Variants in ATP1A2 observed in about 807,000 individuals in gnomAD.
The protein encoded by ATP1A2 is sodium/potassium-transporting ATPase subunit alpha-2.
ATP1A2 carries 56 observed loss-of-function variants against 113.1 expected under a neutral mutation model. The observed-to-expected ratio is 0.49, with a 90% CI of 0.40 to 0.62. The LOEUF (loss-of-function observed/expected upper bound fraction) is 0.62. ATP1A2 is among the 20% of genes least tolerant of loss of function. The pLI, the probability that ATP1A2 is intolerant of heterozygous loss-of-function variation, is 0.00. For synonymous variants in ATP1A2, 490 were observed against 526.8 expected (o/e 0.93, Z 0.96); for missense variants, 712 against 1,357.8 (o/e 0.52, Z 7.47).
chr1:160,117,420 A>G (rs898456197), intron 1 of ATP1A2, among the ~76,000 whole-genome samples: 9 of 152,088 alleles, frequency 5.9e-5, no homozygotes, highest in Admixed American at 2.6e-4. Flanking sequence ...TTGCTTGGGA[A>G]GTGATGAGAC....
chr1:160,130,778 C>T (rs1651747720), intron 13 of ATP1A2, among the ~76,000 whole-genome samples, 181 bp downstream of exon 13: 1 of 152,228 alleles, frequency 6.6e-6, no homozygotes, highest in African/African-American at 2.4e-5. Context: ...CACCCTTATC[C>T]CTTTTGCTCA....
rs1405104499 is a variant in ATP1A2, at chr1:160,123,923, A to G, written c.382-20A>G. On this transcript the variant is annotated intron_variant, in intron 4 of 22. Coordinates refer to ENST00000361216, the MANE Select transcript of ATP1A2 (RefSeq NM_000702.4). ...GGTTGGGGGGAAGGTCAGGTCCCTGAAACTCTTTCTCCTTACCAGCTATAT... is the reference window on the plus strand; with the variant it reads ...GGTTGGGGGGAAGGTCAGGTCCCTGGAACTCTTTCTCCTTACCAGCTATAT... The G allele has an allele frequency of 6.2e-7, 1 of 1,613,068 alleles. No homozygotes were observed. Among genetic ancestry groups the G allele is most frequent in the South Asian group, 1.1e-5 (1 of 91,016 alleles).
chr1:160,118,205 G>C (rs1340355241), intron 1 of ATP1A2, among the ~76,000 whole-genome samples: 1 of 152,214 alleles, frequency 6.6e-6, no homozygotes, highest in Non-Finnish European at 1.5e-5. Flanking sequence ...GGACCAGCAA[G>C]TTTTTAAAAA....
intron 11 of ATP1A2, 23 bp downstream of exon 11, chr1:160,129,423 G>C: frequency 6.2e-7 from 1 of 1,609,020 alleles, no homozygotes; most frequent in Non-Finnish European, 8.5e-7. Flanking sequence ...TGCCAGGACA[G>C]AGGAAGAGAG....
intron 7 of ATP1A2, among the ~76,000 whole-genome samples, chr1:160,127,105 T>C (rs1651610997): frequency 1.3e-5 from 2 of 152,166 alleles, no homozygotes; most frequent in East Asian, 3.9e-4. Context: ...CACACAAGGG[T>C]TAGCAATTGC....
intron 19 of ATP1A2, 23 bp from the exon 20 acceptor site, chr1:160,136,878 G>T: frequency 2.5e-6 from 4 of 1,614,190 alleles, no homozygotes; most frequent in Non-Finnish European, 3.4e-6. Flanking sequence ...ACTCTCATCT[G>T]TCTCTGCCCA....
intron 13 of ATP1A2, among the ~76,000 whole-genome samples, chr1:160,131,565 T>C (rs1255065485): frequency 6.6e-6 from 1 of 152,176 alleles, no homozygotes; most frequent in Non-Finnish European, 1.5e-5. Flanking sequence ...GGCTCATGCC[T>C]GTAATCCCAG....
At chr1:160,137,345 G>C (rs931414290) in intron 20 of ATP1A2, 14 of 424,780 alleles carry the variant, frequency 3.3e-5, no homozygotes, top group Non-Finnish European at 6.2e-5. Flanking sequence ...AGTGTCTTCT[G>C]TGCCCACCCC....
Position 160,136,577 on chromosome 1 carries a change from C to T in ATP1A2, c.2571C>T (p.Ile857=). 6.2e-7 allele frequency: 1 copy of T among 1,614,234 alleles called. No individual in the cohort carries two copies. Among genetic ancestry groups the T allele is most frequent in the Non-Finnish European group, 8.5e-7 (1 of 1,180,042 alleles). The change falls in exon 19 of 23, where the codon ATC becomes ATT. Residue 857 remains isoleucine, a synonymous_variant. Transcript: ENST00000361216. ...ISMAYGQIGM[I]QALGGFFTYF... ...TTGGCCCTCTACCCACAGGGATGATCCAGGCACTGGGTGGCTTCTTCACCT... is the reference window on the plus strand; with the variant it reads ...TTGGCCCTCTACCCACAGGGATGATTCAGGCACTGGGTGGCTTCTTCACCT...
At position 160,141,381 on chromosome 1, in the gene ATP1A2, A is replaced by G. The variant is rs1652144402; in HGVS notation, c.*59A>G. 4 of 1,601,526 alleles carry G rather than the reference A, an allele frequency of 2.5e-6. No individual in the cohort carries two copies. Among genetic ancestry groups the G allele is most frequent in the Non-Finnish European group, 3.4e-6 (4 of 1,168,656 alleles). On this transcript the variant is annotated 3_prime_UTR_variant, in exon 23 of 23. Transcript: ENST00000361216. ...GGGGAGCTCTGGAGGTGTTGTGGGG[A>G]TGGTGATGGAGAGGGATGGAAATAA...
chr1:160,116,825 A>G (rs1014457338), intron 1 of ATP1A2, among the ~76,000 whole-genome samples: 3 of 152,106 alleles, frequency 2.0e-5, no homozygotes, highest in Non-Finnish European at 4.4e-5. Flanking sequence ...GCCCAGGAGG[A>G]GTCAGGCAAG....
rs956161887 is a variant in ATP1A2, at chr1:160,124,582, G to A, written c.630+152G>A. On this transcript the variant is annotated intron_variant, in intron 6 of 22. Coordinates refer to ENST00000361216, the MANE Select transcript of ATP1A2 (RefSeq NM_000702.4). ...CCTGCTAAACCTTCTCTCAGTGTGGGGTGCTTGTGCAGTGCCTCCTTGCAT... is the reference window on the plus strand; with the variant it reads ...CCTGCTAAACCTTCTCTCAGTGTGGAGTGCTTGTGCAGTGCCTCCTTGCAT... 3.2e-6 allele frequency: 4 copies of A among 1,240,828 alleles called. No individual in the cohort carries two copies. In the African/African-American group the frequency reaches 4.5e-5, roughly 14 times the overall value. 76.9% of individuals were successfully genotyped at this position (1,240,828 alleles called of 1,614,324 possible). A position where few individuals can be genotyped will look rare whatever the true frequency, so the allele number is the denominator to read the frequency against.
In ATP1A2 at chr1:160,135,729, C is replaced by A; in HGVS notation, c.2285-110C>A. 1 of 1,610,252 alleles carries A rather than the reference C, an allele frequency of 6.2e-7. No individual in the cohort carries two copies. The highest frequency in any genetic ancestry group is 1.1e-5 in the South Asian group (1 of 90,830). ...GGCAGCCCAGCCCACTTTAGCTTCC[C>A]TTGAACACAAAATCTTCCTCTCTTG... On this transcript the variant is annotated intron_variant, in intron 16 of 22. Coordinates refer to ENST00000361216, the MANE Select transcript of ATP1A2 (RefSeq NM_000702.4). The surrounding 1 kb of genome is among the most constrained non-coding windows in gnomAD (Gnocchi z 6.3).
chr1:160,129,249 C>A lies in ATP1A2; in HGVS notation c.1327-17C>A, dbSNP rs764079008. ...TTCCCTCCCATGCTGACACTGAATT[C>A]TTGTCTCTTCTGGCAGCGGGACACA... On this transcript the variant is annotated splice_polypyrimidine_tract_variant and intron_variant, in intron 10 of 22. Transcript: ENST00000361216. 12 of 1,614,060 alleles carry A rather than the reference C, an allele frequency of 7.4e-6. No homozygotes were observed. Among genetic ancestry groups the A allele is most frequent in the Non-Finnish European group, 8.5e-6 (10 of 1,180,042 alleles).
At chr1:160,139,126 TAA>T (rs1220440635) in intron 20 of ATP1A2, among the ~76,000 whole-genome samples, 1 of 152,210 alleles carries the variant, frequency 6.6e-6, no homozygotes, top group Non-Finnish European at 1.5e-5. Context: ...TCAATTCTGA[TAA>T]AGTGAACATA....
intron 1 of ATP1A2, among the ~76,000 whole-genome samples, chr1:160,117,702 G>A (rs891166894): frequency 2.0e-5 from 3 of 152,132 alleles, no homozygotes; most frequent in African/African-American, 7.2e-5. Flanking sequence ...CACTGCAGAG[G>A]CAGGCTTCAC....
chr1:160,128,407 T>G, intron 8 of ATP1A2: 1 of 1,137,552 alleles, frequency 8.8e-7, no homozygotes, highest in Non-Finnish European at 1.3e-6. Context: ...TGCTCAGCTC[T>G]GCTCTGGCCC....
At chr1:160,125,870 C>T (rs761179148) in intron 7 of ATP1A2, among the ~76,000 whole-genome samples, 3 of 152,202 alleles carry the variant, frequency 2.0e-5, no homozygotes, top group Non-Finnish European at 2.9e-5. Context: ...GCTGCCATCA[C>T]TTAATGGCAG....
chr1:160,117,175 A>C (rs955162621), intron 1 of ATP1A2, among the ~76,000 whole-genome samples: 1 of 152,042 alleles, frequency 6.6e-6, no homozygotes, highest in Non-Finnish European at 1.5e-5. Context: ...TCACGGAGGA[A>C]GAGGTCATAG....
Sources: allele counts gnomAD v4.1 joint callset (sites outside exome capture counted in the v4.1 genomes callset), GRCh38; gene constraint gnomAD v4.1.1; non-coding constraint Gnocchi (gnomAD v3.1); transcripts MANE v1.5; gene names NCBI Gene and HGNC (gene_info 2026-07-23, HGNC 2026-07-21).